Variants in SPAG16 observed in about 807,000 individuals in gnomAD.
SPAG16 encodes sperm associated antigen 16.
A neutral mutation model predicts 80.4 loss-of-function variants in SPAG16; 86 were observed. The observed-to-expected ratio is 1.07, with a 90% CI of 0.90 to 1.28. The LOEUF (loss-of-function observed/expected upper bound fraction) is 1.28. Among genes scored for constraint, SPAG16 ranks in the 50% most tolerant of loss-of-function variants. The pLI is 0.00. For missense variants in SPAG16, 870 were observed against 765.3 expected, an observed-to-expected ratio of 1.14 and a Z score of -1.61; for synonymous variants, 294 against 265.9, an observed-to-expected ratio of 1.11 and a Z score of -1.03.
rs2075630187 is a variant in SPAG16, at chr2:213,864,990, A to G, written c.1214+2362A>G. Among the ~76,000 whole-genome samples, 4 of 152,220 alleles carry G rather than the reference A, an allele frequency of 2.6e-5. No homozygotes were observed. In the South Asian group the frequency reaches 6.2e-4, roughly 24 times the overall value. On this transcript the variant is annotated intron_variant, in intron 11 of 15. Transcript: ENST00000331683. Reference sequence around the variant, plus strand: ...TCCAGCTAATATGATGTCGAAATATATAAAACAAAAAATCTCGTAAAACAA... The same window carrying G: ...TCCAGCTAATATGATGTCGAAATATGTAAAACAAAAAATCTCGTAAAACAA...
At chr2:214,272,004 T>C (rs573480995) in intron 15 of SPAG16, among the ~76,000 whole-genome samples, 30 of 152,292 alleles carry the variant, frequency 2.0e-4, no homozygotes, top group African/African-American at 7.0e-4. Context: ...AAAATCAGAA[T>C]AATTCTTATA....
intron 9 of SPAG16, among the ~76,000 whole-genome samples, chr2:213,478,047 A>C (rs1336670113): frequency 6.6e-6 from 1 of 152,080 alleles, no homozygotes; most frequent in Non-Finnish European, 1.5e-5. Context: ...AGTGTCTGGC[A>C]TTTCCCCTTC....
intron 10 of SPAG16, among the ~76,000 whole-genome samples, chr2:213,701,476 C>G (rs1215173491): frequency 6.6e-6 from 1 of 152,164 alleles, no homozygotes; most frequent in Admixed American, 6.5e-5. Context: ...AGTCCTTCAG[C>G]CCGCTGCTGC....
chr2:213,552,323 A>G (rs1428654271), intron 10 of SPAG16, among the ~76,000 whole-genome samples: 2 of 152,030 alleles, frequency 1.3e-5, no homozygotes, highest in Non-Finnish European at 2.9e-5. Context: ...CCCTCCACCA[A>G]CCAACAACAA....
At chr2:213,346,550 C>T (rs148128131) in intron 6 of SPAG16, among the ~76,000 whole-genome samples, 3 of 151,942 alleles carry the variant, frequency 2.0e-5, no homozygotes, top group Admixed American at 6.6e-5. Context: ...TTTTGAGATA[C>T]GTCCCATCAA....
chr2:214,181,504 A>G (rs17748471), intron 15 of SPAG16, among the ~76,000 whole-genome samples: 45,548 of 151,486 alleles, frequency 0.3, 8,535 homozygotes, highest in Non-Finnish European at 0.42. Flanking sequence ...CACCAATTCT[A>G]TATATGAACA....
At chr2:213,943,556 G>A (rs2079305340) in intron 12 of SPAG16, among the ~76,000 whole-genome samples, 1 of 152,110 alleles carries the variant, frequency 6.6e-6, no homozygotes, top group Non-Finnish European at 1.5e-5. Flanking sequence ...TTGTATTCAT[G>A]TTCTAGTATT....
intron 10 of SPAG16, among the ~76,000 whole-genome samples, chr2:213,792,576 C>CT (rs11372174): frequency 0.39 from 31,010 of 78,548 alleles, 4,477 homozygotes; most frequent in Middle Eastern, 0.47. Flanking sequence ...AAATGAGTAT[C>CT]TTTTTTTTTT....
chr2:214,175,038 C>G (rs981948378), intron 15 of SPAG16, among the ~76,000 whole-genome samples: 2 of 151,420 alleles, frequency 1.3e-5, no homozygotes, highest in Admixed American at 6.6e-5. Flanking sequence ...CTGTGTCTAC[C>G]TGAACCTGTA....
intron 10 of SPAG16, among the ~76,000 whole-genome samples, chr2:213,597,102 G>C (rs1488607117): frequency 2.0e-5 from 3 of 152,128 alleles, no homozygotes; most frequent in Non-Finnish European, 2.9e-5. Context: ...CAGCAGAAGT[G>C]ACCTTGTCAC....
chr2:214,213,314 G>A (rs2058345672), intron 15 of SPAG16, among the ~76,000 whole-genome samples: 1 of 151,986 alleles, frequency 6.6e-6, no homozygotes, highest in African/African-American at 2.4e-5. Context: ...TTCATACAAA[G>A]CTGTCACTTA....
At chr2:214,037,581 C>T (rs1030777989) in intron 13 of SPAG16, among the ~76,000 whole-genome samples, 1 of 151,998 alleles carries the variant, frequency 6.6e-6, no homozygotes. Context: ...GTTCTGTGTG[C>T]ACTTGATTGA....
intron 10 of SPAG16, among the ~76,000 whole-genome samples, chr2:213,502,200 A>G (rs1016278483): frequency 6.6e-6 from 1 of 152,184 alleles, no homozygotes; most frequent in African/African-American, 2.4e-5. Context: ...AAGAGGGCTC[A>G]GTGCAGCCTG....
intron 15 of SPAG16, among the ~76,000 whole-genome samples, chr2:214,218,795 G>T (rs1220233893): frequency 6.6e-6 from 1 of 152,208 alleles, no homozygotes; most frequent in East Asian, 1.9e-4. Context: ...GGCAAAGCTA[G>T]TGGGTAAATG....
intron 9 of SPAG16, among the ~76,000 whole-genome samples, chr2:213,407,679 AG>A (rs1476595648): frequency 7.1e-6 from 1 of 140,864 alleles, no homozygotes. Flanking sequence ...AGAGACAGAG[AG>A]GAGAGAGACA....
intron 15 of SPAG16, chr2:214,281,400 A>T (rs1019586793): frequency 5.0e-6 from 1 of 199,968 alleles, no homozygotes; most frequent in South Asian, 9.8e-5. Flanking sequence ...TCTAAATTTC[A>T]CTTGGTGTCT....
At chr2:213,604,255 G>A (rs1017333132) in intron 10 of SPAG16, among the ~76,000 whole-genome samples, 6 of 152,022 alleles carry the variant, frequency 3.9e-5, no homozygotes, top group East Asian at 1.9e-4. Context: ...CCTTTTCTGC[G>A]CCATCTATTT....
chr2:214,215,510 T>C (rs2058409364), intron 15 of SPAG16, among the ~76,000 whole-genome samples: 1 of 152,134 alleles, frequency 6.6e-6, no homozygotes, highest in African/African-American at 2.4e-5. Flanking sequence ...AACATTATCT[T>C]TCCCCAGCCT....
intron 12 of SPAG16, among the ~76,000 whole-genome samples, chr2:213,950,139 A>G (rs1006328911): frequency 3.9e-5 from 6 of 152,208 alleles, no homozygotes; most frequent in African/African-American, 1.4e-4. Context: ...TATTCTAGCT[A>G]GAATTAATTA....
Sources: allele counts gnomAD v4.1 joint callset (sites outside exome capture counted in the v4.1 genomes callset), GRCh38; gene constraint gnomAD v4.1.1; transcripts MANE v1.5; gene names NCBI Gene and HGNC (gene_info 2026-07-23, HGNC 2026-07-21).